TEKT5: variants seen among roughly 807,000 people sequenced by gnomAD.
The protein encoded by TEKT5 is tektin-5.
TEKT5 carries 52 observed loss-of-function variants against 48.7 expected under a neutral mutation model. That is an observed-to-expected ratio of 1.07 (90% confidence interval 0.86 to 1.35). TEKT5 has a LOEUF of 1.35. Ranked by LOEUF, TEKT5 falls within the 40% of genes most tolerant of loss-of-function variation. TEKT5 has a pLI of 0.00. For missense variants in TEKT5, 831 were observed against 641.6 expected (o/e 1.30, Z -3.19); for synonymous variants, 318 against 267.6 (o/e 1.19, Z -1.84).
chr16:10,627,667 G>A lies in TEKT5; in HGVS notation c.1374C>T (p.Ala458=), dbSNP rs777338883. 2.5e-6 allele frequency: 4 copies of A among 1,614,192 alleles called. No homozygotes were observed. The highest frequency in any genetic ancestry group is 2.2e-5 in the South Asian group (2 of 91,086). ...TCTCCTTGTCGATGCAGAGGGTGTTGGCCTTGATGGCGAGCTCGTGCTCCA... is the reference window on the plus strand; with the variant it reads ...TCTCCTTGTCGATGCAGAGGGTGTTAGCCTTGATGGCGAGCTCGTGCTCCA... ...CRLEHELAIK[A]NTLCIDKEKC... is the part of the protein sequence containing the mutation. Residue 458 remains alanine (A), a synonymous_variant, in exon 7 of 7, where the codon GCC becomes GCT. Transcript: ENST00000283025.
chr16:10,674,926 G>A (rs535110881), intron 5 of TEKT5, among the ~76,000 whole-genome samples: 7 of 151,618 alleles, frequency 4.6e-5, no homozygotes, highest in African/African-American at 9.7e-5. Flanking sequence ...AAGTTCAAGC[G>A]AGTTCTCCCA....
chr16:10,635,365 A>C (rs1394524766), intron 6 of TEKT5, among the ~76,000 whole-genome samples: 1 of 151,916 alleles, frequency 6.6e-6, no homozygotes, highest in African/African-American at 2.4e-5. Context: ...GAGGTGGGAA[A>C]TGAGTGAGGA....
At chr16:10,684,988 G>A (rs1898835757) in intron 3 of TEKT5, among the ~76,000 whole-genome samples, 1 of 152,192 alleles carries the variant, frequency 6.6e-6, no homozygotes, top group African/African-American at 2.4e-5. Context: ...AGGGGGTGAG[G>A]ACACACCAGA....
chr16:10,666,978 CTTT>C (rs201657619), intron 5 of TEKT5, among the ~76,000 whole-genome samples: 3 of 124,682 alleles, frequency 2.4e-5, no homozygotes, highest in African/African-American at 5.9e-5. Flanking sequence ...TGGCTCCTTA[CTTT>C]TTTTTTTTTT....
intron 5 of TEKT5, among the ~76,000 whole-genome samples, chr16:10,675,311 G>A (rs561781586): frequency 3.3e-5 from 5 of 152,174 alleles, no homozygotes; most frequent in African/African-American, 1.2e-4. Context: ...GCCTAGCGCA[G>A]CATCTGGCAC....
At chr16:10,648,114 G>A (rs1459342566) in intron 5 of TEKT5, among the ~76,000 whole-genome samples, 3 of 152,144 alleles carry the variant, frequency 2.0e-5, no homozygotes, top group African/African-American at 7.2e-5. Context: ...GTGGGGGACA[G>A]GGCCACAAAA....
chr16:10,691,058 G>T (rs1596423516), intron 1 of TEKT5, among the ~76,000 whole-genome samples: 1 of 152,334 alleles, frequency 6.6e-6, no homozygotes, highest in East Asian at 1.9e-4. Flanking sequence ...AACTCAGTCA[G>T]GCTGGGCACA....
chr16:10,679,548 TCAGA>T (rs1042154844), intron 4 of TEKT5, among the ~76,000 whole-genome samples: 6 of 151,880 alleles, frequency 4.0e-5, no homozygotes, highest in Non-Finnish European at 5.9e-5. Context: ...ATACTGCAAT[TCAGA>T]CAGTCACCAA....
intron 4 of TEKT5, 125 bp from the exon 5 acceptor site, chr16:10,676,306 G>C (rs2142301908): frequency 3.2e-6 from 3 of 927,670 alleles, no homozygotes; most frequent in South Asian, 1.6e-5. Context: ...TAGGGTGCTT[G>C]GGATGTTTAA....
chr16:10,659,109 C>G (rs1176008032), intron 5 of TEKT5, among the ~76,000 whole-genome samples: 4 of 152,200 alleles, frequency 2.6e-5, no homozygotes, highest in Admixed American at 2.6e-4. Flanking sequence ...ATGCCAGTAG[C>G]ATCCACCCCG....
chr16:10,680,660 C>T (rs1393119659), intron 4 of TEKT5, among the ~76,000 whole-genome samples: 1 of 151,562 alleles, frequency 6.6e-6, no homozygotes, highest in Non-Finnish European at 1.5e-5. Flanking sequence ...ACATATACAC[C>T]ATGGAATACT....
intron 6 of TEKT5, among the ~76,000 whole-genome samples, chr16:10,635,546 G>A (rs1179449723): frequency 6.6e-6 from 1 of 152,080 alleles, no homozygotes; most frequent in Non-Finnish European, 1.5e-5. Flanking sequence ...CACAGGGTGG[G>A]GCTCCCAGTG....
At chr16:10,676,832 G>A (rs914575968) in intron 4 of TEKT5, among the ~76,000 whole-genome samples, 3 of 152,224 alleles carry the variant, frequency 2.0e-5, no homozygotes, top group African/African-American at 4.8e-5. Context: ...AAGTGCCAGA[G>A]GAGGGAGATT....
At chr16:10,642,183 T>A (rs985519220) in intron 5 of TEKT5, among the ~76,000 whole-genome samples, 2 of 152,154 alleles carry the variant, frequency 1.3e-5, no homozygotes, top group Admixed American at 1.3e-4. Context: ...TTGCTGACCC[T>A]AGAGGCACTA....
chr16:10,628,059 T>C (rs980421811), intron 6 of TEKT5, among the ~76,000 whole-genome samples: 2 of 152,106 alleles, frequency 1.3e-5, no homozygotes, highest in Non-Finnish European at 2.9e-5. Flanking sequence ...CTGGTCAAGC[T>C]GGTCAAGAAC....
At chr16:10,638,749 C>T (rs1897950111) in intron 5 of TEKT5, among the ~76,000 whole-genome samples, 1 of 152,168 alleles carries the variant, frequency 6.6e-6, no homozygotes, top group Non-Finnish European at 1.5e-5. Context: ...CATCTTTGAC[C>T]ATTTCTACCC....
intron 5 of TEKT5, among the ~76,000 whole-genome samples, chr16:10,665,196 G>A (rs1596411107): frequency 6.6e-6 from 1 of 152,188 alleles, no homozygotes; most frequent in African/African-American, 2.4e-5. Flanking sequence ...AGACACAAAG[G>A]TGGAGGAGTC....
chr16:10,657,968 G>T (rs1328744960), intron 5 of TEKT5, among the ~76,000 whole-genome samples: 2 of 151,972 alleles, frequency 1.3e-5, no homozygotes, highest in African/African-American at 4.8e-5. Context: ...CACTTAAAAT[G>T]TACTGTGGTT....
At chr16:10,637,969 C>T (rs1265258261) in intron 5 of TEKT5, among the ~76,000 whole-genome samples, 3 of 152,166 alleles carry the variant, frequency 2.0e-5, no homozygotes, top group Non-Finnish European at 4.4e-5. Context: ...CACCACCACA[C>T]CTGGCTAATT....
Sources: gnomAD v4.1 joint callset for allele counts (sites outside exome capture counted in the v4.1 genomes callset) on GRCh38, gnomAD v4.1.1 for gene constraint, MANE v1.5 for transcripts, NCBI Gene and HGNC (gene_info 2026-07-23, HGNC 2026-07-21) for gene names.